The following CACNA1D variants were observed in gnomAD, a reference collection of about 807,000 sequenced individuals.
CACNA1D encodes the protein voltage-dependent L-type calcium channel subunit alpha-1D.
A neutral mutation model predicts 257.1 loss-of-function variants in CACNA1D; 55 were observed. The ratio of observed to expected loss-of-function variants is 0.21; its 90% CI spans 0.17 to 0.27. CACNA1D has a LOEUF of 0.27. Ranked by LOEUF, CACNA1D falls within the 10% of genes least tolerant of loss-of-function variation. The pLI is 1.00. For missense variants in CACNA1D, 1,876 were observed against 2,784.0 expected, an observed-to-expected ratio of 0.67 and a Z score of 7.34; for synonymous variants, 980 against 1,014.9, an observed-to-expected ratio of 0.97 and a Z score of 0.65.
At chr3:53,538,416 C>G (rs2092195721) in intron 3 of CACNA1D, among the ~76,000 whole-genome samples, 2 of 152,164 alleles carry the variant, frequency 1.3e-5, no homozygotes, top group Non-Finnish European at 2.9e-5. Context: ...ATCGGCCTCC[C>G]AAAGTGCTGG....
In CACNA1D at chr3:53,774,288, C is replaced by T. The variant is rs1183717441; in HGVS notation, c.4111-299C>T. 1 of 395,774 alleles carries T rather than the reference C, an allele frequency of 2.5e-6. No homozygotes were observed. The highest frequency in any genetic ancestry group is 2.4e-5 in the South Asian group (1 of 41,708). 24.5% of individuals were successfully genotyped at this position (395,774 alleles called of 1,614,324 possible). A position where few individuals can be genotyped will look rare whatever the true frequency, so the allele number is the denominator to read the frequency against. On this transcript the variant is annotated intron_variant, in intron 33 of 47. Transcript: ENST00000350061. The surrounding 1 kb of genome is among the most constrained non-coding windows in gnomAD (Gnocchi z 4.3). ...GCCTGTCTCACGCTTCCCTGTGTGT[C>T]TGGACCACCCCAGCATCATCACTGG...
intron 43 of CACNA1D, among the ~76,000 whole-genome samples, chr3:53,802,502 C>T (rs954395081): frequency 2.0e-5 from 3 of 152,220 alleles, no homozygotes; most frequent in Admixed American, 1.3e-4. Flanking sequence ...CTGGCAGCTC[C>T]GGCTGCTCTC....
chr3:53,801,471 G>A (rs199952440), intron 42 of CACNA1D, 46 bp downstream of exon 42: 225 of 1,608,640 alleles, frequency 1.4e-4, no homozygotes, highest in Non-Finnish European at 1.7e-4. Context: ...GTGTCTGCCC[G>A]TGTTGCGTCT....
chr3:53,551,219 T>C (rs924615514), intron 3 of CACNA1D, among the ~76,000 whole-genome samples: 4 of 152,246 alleles, frequency 2.6e-5, no homozygotes, highest in Non-Finnish European at 5.9e-5. Context: ...AGTGCTAATG[T>C]GCACTTAAAT....
chr3:53,505,120 T>G (rs1439261966), intron 3 of CACNA1D, among the ~76,000 whole-genome samples: 1 of 145,580 alleles, frequency 6.9e-6, no homozygotes, highest in Non-Finnish European at 1.5e-5. Flanking sequence ...TATTTGTTTT[T>G]TTTTTTTTTT....
intron 3 of CACNA1D, among the ~76,000 whole-genome samples, chr3:53,556,138 G>C (rs1004674793): frequency 2.6e-5 from 4 of 152,166 alleles, no homozygotes; most frequent in African/African-American, 9.7e-5. Context: ...TTATTGCTGA[G>C]TAATATTACA....
At chr3:53,518,383 A>G (rs2107315207) in intron 3 of CACNA1D, among the ~76,000 whole-genome samples, 1 of 152,218 alleles carries the variant, frequency 6.6e-6, no homozygotes. Flanking sequence ...CATTTAATGA[A>G]GCATCACTCT....
intron 3 of CACNA1D, among the ~76,000 whole-genome samples, chr3:53,626,887 T>G: frequency 6.6e-6 from 1 of 152,186 alleles, no homozygotes. Context: ...CGTCAGTGTT[T>G]TCATCTGATT....
At chr3:53,528,205 A>G (rs1023608683) in intron 3 of CACNA1D, among the ~76,000 whole-genome samples, 19 of 152,138 alleles carry the variant, frequency 1.2e-4, no homozygotes, top group African/African-American at 4.6e-4. Context: ...TTTCTATGGT[A>G]TGAGGTTGGG....
At chr3:53,512,872 T>C (rs2091177644) in intron 3 of CACNA1D, among the ~76,000 whole-genome samples, 1 of 152,240 alleles carries the variant, frequency 6.6e-6, no homozygotes, top group Non-Finnish European at 1.5e-5. Context: ...CGAAAGATAG[T>C]TTCCATCACC....
In CACNA1D at chr3:53,723,408, G is replaced by T; in HGVS notation, c.1667-26G>T. On this transcript the variant is annotated intron_variant, in intron 12 of 47. Transcript: ENST00000350061. This position sits in a 1 kb window ranked among gnomAD's most constrained non-coding sequence, Gnocchi z 5.6. Reference sequence around the variant, plus strand: ...CTGAGTGTCTTGCAGGAGACCCTGAGGATGGGTGCCCCTTTGTCTTTCCAG... The same window carrying T: ...CTGAGTGTCTTGCAGGAGACCCTGATGATGGGTGCCCCTTTGTCTTTCCAG... 6.3e-7 allele frequency: 1 copy of T among 1,576,352 alleles called. No individual in the cohort carries two copies. Among genetic ancestry groups the T allele is most frequent in the African/African-American group, 1.3e-5 (1 of 74,286 alleles).
chr3:53,786,493 A>T, intron 39 of CACNA1D: 1 of 312,384 alleles, frequency 3.2e-6, no homozygotes, highest in Non-Finnish European at 6.1e-6. Context: ...TTGTTTTGTA[A>T]TTTTTATTTT....
intron 29 of CACNA1D, among the ~76,000 whole-genome samples, chr3:53,755,702 G>A (rs924520976): frequency 2.6e-5 from 4 of 152,156 alleles, no homozygotes; most frequent in Non-Finnish European, 4.4e-5. Flanking sequence ...CTGTCACTGC[G>A]TTCCCCCCGG....
rs773233621 is a variant in CACNA1D, at chr3:53,780,054, A to G, written c.4616A>G (p.Asn1539Ser). The change falls in exon 38 of 48, where the codon AAC becomes AGC. Residue 1539 changes from asparagine to serine, a missense_variant. Transcript: ENST00000350061. ...TTAGTTGCCATGAACATGCCTCTCAACAGTGACGGGACAGTCATGTTTAAT... is the reference window on the plus strand; with the variant it reads ...TTAGTTGCCATGAACATGCCTCTCAGCAGTGACGGGACAGTCATGTTTAAT... ...KRLVAMNMPLNSDGTVMFNAT... is the reference protein window; with the variant it reads ...KRLVAMNMPLSSDGTVMFNAT... 4 of 1,613,900 alleles carry G rather than the reference A, an allele frequency of 2.5e-6. No individual in the cohort carries two copies. Among genetic ancestry groups the G allele is most frequent in the South Asian group, 2.2e-5 (2 of 91,082 alleles).
At chr3:53,700,738 C>T (rs1007816516) in intron 8 of CACNA1D, among the ~76,000 whole-genome samples, 6 of 152,114 alleles carry the variant, frequency 3.9e-5, no homozygotes, top group Admixed American at 6.5e-5. Context: ...TCCTTATTCA[C>T]AGGGGGTGGA....
At chr3:53,706,705 T>C (rs1367515815) in intron 9 of CACNA1D, among the ~76,000 whole-genome samples, 1 of 152,150 alleles carries the variant, frequency 6.6e-6, no homozygotes, top group Non-Finnish European at 1.5e-5. Context: ...GGGCTTTTAG[T>C]GTAACCATCA....
intron 3 of CACNA1D, among the ~76,000 whole-genome samples, chr3:53,522,901 A>G (rs1008589768): frequency 5.9e-5 from 9 of 152,038 alleles, no homozygotes; most frequent in Non-Finnish European, 1.3e-4. Context: ...CCATTAACCA[A>G]CCTCTCTTCA....
chr3:53,625,600 C>G lies in CACNA1D; in HGVS notation c.484-25179C>G, dbSNP rs114720878. Among the ~76,000 whole-genome samples the G allele has an allele frequency of 4.2e-3, 633 of 152,284 alleles. 8 individuals carry two copies. The highest frequency in any genetic ancestry group is 0.014 in the African/African-American group (601 of 41,540). On this transcript the variant is annotated intron_variant, in intron 3 of 47. Coordinates refer to ENST00000350061, the MANE Select transcript of CACNA1D (RefSeq NM_001128840.3). ...CACCCTACAAGCATCCCTTTCCCTA[C>G]CAGGTTTGTAATATAGTCAACTTTT...
intron 3 of CACNA1D, among the ~76,000 whole-genome samples, chr3:53,591,077 C>G (rs1484816753): frequency 6.6e-6 from 1 of 152,164 alleles, no homozygotes; most frequent in Non-Finnish European, 1.5e-5. Flanking sequence ...ATCACTCAGT[C>G]CTGCCTCTAA....
Sources: allele counts gnomAD v4.1 joint callset (sites outside exome capture counted in the v4.1 genomes callset), GRCh38; gene constraint gnomAD v4.1.1; non-coding constraint Gnocchi (gnomAD v3.1); transcripts MANE v1.5; gene names NCBI Gene and HGNC (gene_info 2026-07-23, HGNC 2026-07-21).